STX5: variants seen among roughly 807,000 people sequenced by gnomAD.
STX5 encodes the protein syntaxin-5.
A neutral mutation model predicts 42.9 loss-of-function variants in STX5; 15 were observed. The observed-to-expected ratio is 0.35, with a 90% confidence interval of 0.23 to 0.54. STX5 has a LOEUF of 0.54. Among genes scored for constraint, STX5 ranks in the 20% least tolerant of loss-of-function variants. STX5 has a pLI of 0.91. For synonymous variants in STX5, 184 were observed against 173.2 expected (o/e 1.06, Z -0.49); for missense variants, 430 against 455.0 (o/e 0.95, Z 0.50).
Position 62,824,257 on chromosome 11 carries a change from T to C in STX5, c.817A>G (p.Met273Val). 1 of 1,614,192 alleles carries C rather than the reference T, an allele frequency of 6.2e-7. No individual in the cohort carries two copies. Residue 273 changes from methionine to valine, a missense_variant, in exon 10 of 11, where the codon ATG (methionine) becomes GTG (valine). By Grantham distance (21) the Met-to-Val change is conservative (BLOSUM62 1). Transcript: ENST00000294179. ...DSYIQSRADT[M>V]QNIESTIVEL... ...ACAATTGTCGACTCAATGTTCTGCA[T>C]GGTGTCTGCCCGACTCTGGATGTAG...
intron 10 of STX5, among the ~76,000 whole-genome samples, chr11:62,817,961 G>A (rs140028954): frequency 1.2e-3 from 176 of 152,130 alleles, no homozygotes; most frequent in African/African-American, 4.1e-3. Context: ...TAAATTTAAA[G>A]ACAAATTTAC....
At chr11:62,813,106 A>AAAG (rs2084636371) in intron 10 of STX5, among the ~76,000 whole-genome samples, 1 of 151,456 alleles carries the variant, frequency 6.6e-6, no homozygotes, top group East Asian at 1.9e-4. Context: ...AAAAAAAAAA[A>AAAG]AAAAAAATCA....
At chr11:62,825,911 A>G (rs72929478) in intron 5 of STX5, among the ~76,000 whole-genome samples, 2,233 of 152,312 alleles carry the variant, frequency 0.015, 23 homozygotes, top group Middle Eastern at 0.044. Context: ...AGTACTCAGG[A>G]AAAGGGAAGA....
rs940327696 is a variant in STX5 at position 62,828,600 on chromosome 11, C to G, written c.226-969G>C. Among the ~76,000 whole-genome samples, 17 of 151,892 alleles carry G rather than the reference C, an allele frequency of 1.1e-4. 1 individual carries two copies. The highest frequency in any genetic ancestry group is 1.0e-3 in the South Asian group (5 of 4,818). On this transcript the variant is annotated intron_variant, in intron 2 of 10. Coordinates refer to ENST00000294179, the MANE Select transcript of STX5 (RefSeq NM_003164.5). ...ATTTAGCCAGGTGTGGTGGCATGCA[C>G]CTGTAGTCCCAGCTACTCAGCAGGC...
At chr11:62,831,681 A>G (rs1013866584) in intron 1 of STX5, among the ~76,000 whole-genome samples, 2 of 151,936 alleles carry the variant, frequency 1.3e-5, no homozygotes, top group Non-Finnish European at 2.9e-5. Context: ...GCGGAGGGGG[A>G]AAACCTCTGG....
At position 62,807,347 on chromosome 11, in the gene STX5, G is replaced by A; in HGVS notation, c.*122C>T. 1.4e-6 allele frequency: 2 copies of A among 1,430,732 alleles called. No homozygotes were observed. The highest frequency in any genetic ancestry group is 1.9e-6 in the Non-Finnish European group (2 of 1,076,112). 88.6% of individuals were successfully genotyped at this position (1,430,732 alleles called of 1,614,324 possible). A position where few individuals can be genotyped will look rare whatever the true frequency, so the allele number is the denominator to read the frequency against. On this transcript the variant is annotated 3_prime_UTR_variant, in exon 11 of 11. Transcript: ENST00000294179. ...GGATCAGGGGCAGTGGTCATTCTTAGCAGTTCCAGGGAAACAGGGCCTTTC... is the reference window on the plus strand; with the variant it reads ...GGATCAGGGGCAGTGGTCATTCTTAACAGTTCCAGGGAAACAGGGCCTTTC...
chr11:62,807,715 T>C, intron 10 of STX5, 87 bp from the exon 11 acceptor site: 1 of 1,561,316 alleles, frequency 6.4e-7, no homozygotes, highest in Non-Finnish European at 8.7e-7. Flanking sequence ...CATGGAAAGA[T>C]GGTCACAATA....
intron 10 of STX5, among the ~76,000 whole-genome samples, chr11:62,815,637 A>C (rs946535430): frequency 3.3e-5 from 5 of 151,460 alleles, no homozygotes; most frequent in African/African-American, 1.2e-4. Context: ...CCCAGGTTCA[A>C]GCACTGCTCC....
intron 10 of STX5, among the ~76,000 whole-genome samples, chr11:62,822,513 T>C (rs1362232959): frequency 6.6e-6 from 1 of 152,214 alleles, no homozygotes; most frequent in East Asian, 1.9e-4. Flanking sequence ...CAGTAGTCTC[T>C]GCTGTCCTTT....
chr11:62,827,887 C>G (rs753207214), intron 2 of STX5, among the ~76,000 whole-genome samples: 8 of 151,862 alleles, frequency 5.3e-5, no homozygotes, highest in Non-Finnish European at 1.2e-4. Flanking sequence ...TCTACTTTCT[C>G]TTCTATAAAA....
At chr11:62,830,387 C>T (rs1042038704) in intron 2 of STX5, 12 of 370,544 alleles carry the variant, frequency 3.2e-5, no homozygotes, top group South Asian at 1.4e-4. Context: ...ACTGCCTGTA[C>T]GAAAAAATTT....
At chr11:62,818,941 C>T (rs942037093) in intron 10 of STX5, among the ~76,000 whole-genome samples, 4 of 151,700 alleles carry the variant, frequency 2.6e-5, no homozygotes, top group South Asian at 2.1e-4. Context: ...AAGGTGAGGC[C>T]GGGTGCGGTG....
chr11:62,815,915 A>C (rs1340118927), intron 10 of STX5: 1 of 152,060 alleles, frequency 6.6e-6, no homozygotes, highest in Non-Finnish European at 1.5e-5. Flanking sequence ...CTATAAATAA[A>C]TTGCGTGTCT....
chr11:62,815,043 C>G (rs1290944916), intron 10 of STX5, among the ~76,000 whole-genome samples: 2 of 151,084 alleles, frequency 1.3e-5, no homozygotes, highest in East Asian at 3.9e-4. Flanking sequence ...GAGTCTTGCT[C>G]TCTTGCCAGG....
chr11:62,814,795 T>C (rs1351351714), intron 10 of STX5, among the ~76,000 whole-genome samples: 9 of 151,910 alleles, frequency 5.9e-5, no homozygotes, highest in African/African-American at 1.5e-4. Flanking sequence ...GGTTGCTCCA[T>C]GTTGGTCAGG....
In STX5 at chr11:62,816,351, T is replaced by C. The variant is rs114645808; in HGVS notation, c.908+7815A>G. ...AGGCTGTAGTACAATGGCACCATCA[T>C]AGCCTATTGTAACCTCCTACTCCTA... On this transcript the variant is annotated intron_variant, in intron 10 of 10. Transcript: ENST00000294179. 9.3e-3 allele frequency among the ~76,000 whole-genome samples: 1,414 copies of C among 152,266 alleles called. 20 individuals carry two copies. The highest frequency in any genetic ancestry group is 0.032 in the African/African-American group (1,345 of 41,544).
chr11:62,823,064 ACT>A (rs2084756705), intron 10 of STX5, among the ~76,000 whole-genome samples: 1 of 151,468 alleles, frequency 6.6e-6, no homozygotes, highest in South Asian at 2.1e-4. Context: ...GGCCTAGAAC[ACT>A]CTCTGTTCTT....
In STX5 at chr11:62,812,161, T is replaced by A. The variant is rs577516608; in HGVS notation, c.909-4533A>T. On this transcript the variant is annotated intron_variant, in intron 10 of 10. Coordinates refer to ENST00000294179, the MANE Select transcript of STX5 (RefSeq NM_003164.5). ...GGTGCGATCTCAGCTCACAGCAACC[T>A]CCGCCTCCCGGGTTCAAACCATTCT... 1.2e-4 allele frequency among the ~76,000 whole-genome samples: 16 copies of A among 135,206 alleles called. No individual in the cohort carries two copies. In the South Asian group the frequency reaches 3.6e-3, roughly 31 times the overall value. 88.7% of individuals were successfully genotyped at this position (135,206 alleles called of 152,430 possible).
At chr11:62,826,582 T>G (rs1019496143) in intron 5 of STX5, among the ~76,000 whole-genome samples, 1 of 148,618 alleles carries the variant, frequency 6.7e-6, no homozygotes, top group Admixed American at 6.8e-5. Context: ...AATAAATAAA[T>G]AAATAAAATA....
Sources: gnomAD v4.1 joint callset for allele counts (sites outside exome capture counted in the v4.1 genomes callset) on GRCh38, gnomAD v4.1.1 for gene constraint, MANE v1.5 for transcripts, NCBI Gene and HGNC (gene_info 2026-07-23, HGNC 2026-07-21) for gene names.